KCNH5: variants seen among roughly 807,000 people sequenced by gnomAD.
The protein encoded by KCNH5 is voltage-gated delayed rectifier potassium channel KCNH5.
KCNH5 carries 46 observed loss-of-function variants against 96.1 expected under a neutral mutation model. That is an observed-to-expected ratio of 0.48 (90% confidence interval 0.38 to 0.61). The LOEUF is 0.61. Ranked by LOEUF, KCNH5 falls within the 20% of genes least tolerant of loss-of-function variation. The pLI is 0.00. For synonymous variants in KCNH5, 439 were observed against 449.8 expected (o/e 0.98, Z 0.30); for missense variants, 907 against 1,225.8 (o/e 0.74, Z 3.88).
At chr14:62,761,274 G>A (rs928689448) in intron 10 of KCNH5, among the ~76,000 whole-genome samples, 1 of 151,378 alleles carries the variant, frequency 6.6e-6, no homozygotes, top group Non-Finnish European at 1.5e-5. Context: ...AGAATCACTT[G>A]AACCTGGGAG....
At chr14:62,966,933 A>G (rs953922868) in intron 6 of KCNH5, among the ~76,000 whole-genome samples, 6 of 152,108 alleles carry the variant, frequency 3.9e-5, no homozygotes, top group African/African-American at 1.4e-4. Flanking sequence ...TGAGTACACT[A>G]CTAGAGCTTT....
intron 6 of KCNH5, among the ~76,000 whole-genome samples, chr14:62,971,024 A>G (rs1890397869): frequency 6.6e-6 from 1 of 152,132 alleles, no homozygotes; most frequent in South Asian, 2.1e-4. Flanking sequence ...GCAATAAAAC[A>G]AGAAAAGGTA....
intron 8 of KCNH5, among the ~76,000 whole-genome samples, chr14:62,847,575 AAAC>A (rs1450664295): frequency 2.0e-5 from 3 of 152,194 alleles, no homozygotes; most frequent in Non-Finnish European, 4.4e-5. Context: ...TATTAGTCAA[AAAC>A]AACTTTAAGG....
intron 3 of KCNH5, among the ~76,000 whole-genome samples, chr14:63,004,630 G>A (rs953689370): frequency 2.6e-5 from 4 of 152,160 alleles, no homozygotes. Flanking sequence ...GTCATTACAG[G>A]GTCTTGCTCT....
intron 7 of KCNH5, among the ~76,000 whole-genome samples, chr14:62,912,015 G>GT (rs1394805730): frequency 4.1e-5 from 6 of 146,206 alleles, no homozygotes; most frequent in Non-Finnish European, 9.0e-5. Flanking sequence ...TCCAGCCTGG[G>GT]TGACAGAGCG....
intron 8 of KCNH5, among the ~76,000 whole-genome samples, chr14:62,810,283 T>C (rs1886846438): frequency 6.6e-6 from 1 of 151,998 alleles, no homozygotes; most frequent in Non-Finnish European, 1.5e-5. Flanking sequence ...AGGAATATCA[T>C]CACCCCTATT....
At chr14:62,798,086 C>T (rs1288904331) in intron 9 of KCNH5, among the ~76,000 whole-genome samples, 7 of 152,096 alleles carry the variant, frequency 4.6e-5, no homozygotes, top group Admixed American at 1.3e-4. Flanking sequence ...GACTCTCTTT[C>T]GTATTAAGTT....
intron 4 of KCNH5, among the ~76,000 whole-genome samples, chr14:62,997,979 T>C (rs1475221064): frequency 6.6e-6 from 1 of 151,698 alleles, no homozygotes; most frequent in African/African-American, 2.4e-5. Flanking sequence ...CTGGTTTTGC[T>C]ATATGGGTAG....
At chr14:62,895,887 C>A (rs979160798) in intron 7 of KCNH5, among the ~76,000 whole-genome samples, 3 of 152,130 alleles carry the variant, frequency 2.0e-5, no homozygotes, top group African/African-American at 4.8e-5. Context: ...TGAACTCTGC[C>A]TTCTATGAAC....
At chr14:62,769,878 T>C (rs1344922995) in intron 10 of KCNH5, among the ~76,000 whole-genome samples, 1 of 152,104 alleles carries the variant, frequency 6.6e-6, no homozygotes, top group African/African-American at 2.4e-5. Context: ...AGTTGAAAAA[T>C]AGAAATGTAA....
At chr14:62,980,050 G>C (rs530345446) in intron 6 of KCNH5, among the ~76,000 whole-genome samples, 1 of 152,102 alleles carries the variant, frequency 6.6e-6, no homozygotes, top group Non-Finnish European at 1.5e-5. Flanking sequence ...ATGCGATCTG[G>C]GGGTTTTAAA....
intron 6 of KCNH5, among the ~76,000 whole-genome samples, chr14:62,955,054 A>G (rs1317965417): frequency 1.3e-5 from 2 of 151,640 alleles, no homozygotes; most frequent in African/African-American, 4.8e-5. Context: ...CATGTAGGAG[A>G]TCAGTTGAAT....
At chr14:62,904,473 T>C (rs1337533170) in intron 7 of KCNH5, among the ~76,000 whole-genome samples, 2 of 152,124 alleles carry the variant, frequency 1.3e-5, no homozygotes, top group East Asian at 1.9e-4. Flanking sequence ...AAATCCCACA[T>C]ACACATGCCC....
intron 7 of KCNH5, among the ~76,000 whole-genome samples, chr14:62,898,116 T>C (rs1888852429): frequency 6.6e-6 from 1 of 152,168 alleles, no homozygotes; most frequent in South Asian, 2.1e-4. Flanking sequence ...GTCTTAAGTA[T>C]CTTAGAATAT....
intron 6 of KCNH5, among the ~76,000 whole-genome samples, chr14:62,977,094 G>A (rs924589877): frequency 6.6e-6 from 1 of 152,154 alleles, no homozygotes; most frequent in Non-Finnish European, 1.5e-5. Flanking sequence ...CACTTGGCCA[G>A]GCCCAGTTGC....
intron 7 of KCNH5, among the ~76,000 whole-genome samples, chr14:62,904,084 C>T (rs1888981843): frequency 6.6e-6 from 1 of 152,084 alleles, no homozygotes; most frequent in South Asian, 2.1e-4. Context: ...CAAGACCATA[C>T]CTGATGCATT....
chr14:62,944,874 G>C (rs1779433941), intron 7 of KCNH5, among the ~76,000 whole-genome samples: 1 of 152,084 alleles, frequency 6.6e-6, no homozygotes. Flanking sequence ...GAAAACCTAA[G>C]TCAAAAGGCA....
chr14:62,857,036 C>A (rs1184290958), intron 7 of KCNH5, among the ~76,000 whole-genome samples: 1 of 152,006 alleles, frequency 6.6e-6, no homozygotes, highest in Admixed American at 6.6e-5. Context: ...TTGGAACTTA[C>A]CAAATTTTAG....
At chr14:62,763,754 A>G (rs1449274635) in intron 10 of KCNH5, among the ~76,000 whole-genome samples, 1 of 152,202 alleles carries the variant, frequency 6.6e-6, no homozygotes, top group African/African-American at 2.4e-5. Flanking sequence ...TATTACAAAC[A>G]CTTTCATGCA....
Sources: allele counts gnomAD v4.1 joint callset (sites outside exome capture counted in the v4.1 genomes callset), GRCh38; gene constraint gnomAD v4.1.1; transcripts MANE v1.5; gene names NCBI Gene and HGNC (gene_info 2026-07-23, HGNC 2026-07-21).